Variants in PJVK observed in about 807,000 individuals in gnomAD.
PJVK encodes autosomal recessive deafness type 59 protein.
A neutral mutation model predicts 37.6 loss-of-function variants in PJVK; 33 were observed. That is an observed-to-expected ratio of 0.88 (90% confidence interval 0.67 to 1.17). PJVK has a LOEUF of 1.17. Ranked by LOEUF, PJVK falls within the 50% of genes most tolerant of loss-of-function variation. The pLI, the probability that PJVK is intolerant of heterozygous loss-of-function variation, is 0.00. For synonymous variants in PJVK, 141 were observed against 143.5 expected (o/e 0.98, Z 0.13); for missense variants, 410 against 413.8 (o/e 0.99, Z 0.08).
intron 1 of PJVK, 189 bp from the exon 2 acceptor site, chr2:178,453,199 A>G (rs916576005): frequency 1.8e-4 from 97 of 547,072 alleles, no homozygotes; most frequent in Non-Finnish European, 4.3e-5. Context: ...TTAGCATATC[A>G]TTTTACACCG....
At chr2:178,452,217 C>T in intron 1 of PJVK, 4 of 840,374 alleles carry the variant, frequency 4.8e-6, no homozygotes, top group Non-Finnish European at 4.3e-6. Flanking sequence ...CGCTTGAACC[C>T]GGGAGGCAAA....
chr2:178,453,815 C>A, intron 2 of PJVK, 195 bp downstream of exon 2: 1 of 525,626 alleles, frequency 1.9e-6, no homozygotes, highest in Non-Finnish European at 3.5e-6. Flanking sequence ...TCTTATTGGT[C>A]AAATAATTTT....
rs78717143 is a variant in PJVK, at chr2:178,451,996, T to C, written c.-23+227T>C. On this transcript the variant is annotated intron_variant, in intron 1 of 6. Transcript: ENST00000644580. ...ATGCTATTCGTACGAAAGGATATTA[T>C]TAAAAGTGATTTATGGGCGGGCGCG... 831 of 474,508 alleles carry C rather than the reference T, an allele frequency of 1.8e-3. 2 individuals carry two copies. Among genetic ancestry groups the C allele is most frequent in the African/African-American group, 0.017 (794 of 47,256 alleles). The allele number at this position is 474,508 out of a possible 1,614,324, so 29.4% of individuals were successfully genotyped here.
At position 178,451,388 on chromosome 2, in the gene PJVK, T is replaced by G; in HGVS notation, c.-404T>G. 1 of 319,822 alleles carries G rather than the reference T, an allele frequency of 3.1e-6. No homozygotes were observed. Among genetic ancestry groups the G allele is most frequent in the Non-Finnish European group, 5.8e-6 (1 of 171,946 alleles). 19.8% of individuals were successfully genotyped at this position (319,822 alleles called of 1,614,324 possible). On this transcript the variant is annotated 5_prime_UTR_variant, in exon 1 of 7. Transcript: ENST00000644580. The stretch of plus-strand genomic sequence containing the variant: ...GCCCCTGCCGGCCCTGACCAGCCTG[T>G]AGTAACTGGCCCCTAGGCCGCAGTT...
rs776028922 is a variant in PJVK at position 178,461,161 on chromosome 2, A to C, written c.946A>C (p.Asn316His). The change falls in exon 7 of 7, where the codon AAC (asparagine) becomes CAC (histidine). Residue 316 changes from asparagine to histidine, a missense_variant. Transcript: ENST00000644580. ...KGPCILCGMG[N>H]FKRETVYGCF... Reference sequence around the variant, plus strand: ...GCCTTGCATACTCTGTGGAATGGGGAACTTCAAAAGGGAGACAGTTTATGG... The same window carrying C: ...GCCTTGCATACTCTGTGGAATGGGGCACTTCAAAAGGGAGACAGTTTATGG... The C allele has an allele frequency of 9.3e-6, 15 of 1,614,080 alleles. No homozygotes were observed. The African/African-American group carries it at 1.9e-4, about 20-fold the overall frequency.
chr2:178,460,334 A>C lies in PJVK; in HGVS notation c.668-14A>C. 1.9e-6 allele frequency: 3 copies of C among 1,609,490 alleles called. No homozygotes were observed. Among genetic ancestry groups the C allele is most frequent in the Non-Finnish European group, 2.6e-6 (3 of 1,175,922 alleles). On this transcript the variant is annotated splice_polypyrimidine_tract_variant and intron_variant, in intron 5 of 6. Coordinates refer to ENST00000644580, the MANE Select transcript of PJVK (RefSeq NM_001042702.5). The stretch of plus-strand genomic sequence containing the variant: ...TATTCAAGTTATAACATCTTCTAAC[A>C]ATTTTTTTTGTAGACCTTTGTGTCA...
chr2:178,455,240 A>C (rs1683971957), intron 3 of PJVK: 1 of 1,548,146 alleles, frequency 6.5e-7, no homozygotes, highest in Non-Finnish European at 8.9e-7. Context: ...CAAGAAGATT[A>C]ACCCTGAGAA....
chr2:178,461,019 T>G lies in PJVK; in HGVS notation c.804T>G (p.Leu268=). The G allele has an allele frequency of 6.2e-7, 1 of 1,614,048 alleles. No individual in the cohort carries two copies. The highest frequency in any genetic ancestry group is 1.1e-5 in the South Asian group (1 of 91,076). ...TGGATGTCATTTCTCGTTCACAGCT[T>G]TACTTGGATGATCTTTTTTCTGACT... ...RVMDVISRSQ[L]YLDDLFSDYY... is the part of the protein sequence containing the mutation. Residue 268 remains leucine (L), a synonymous_variant, in exon 7 of 7, where the codon CTT becomes CTG. Transcript: ENST00000644580.
intron 4 of PJVK, among the ~76,000 whole-genome samples, chr2:178,456,810 T>C (rs1352066883): frequency 2.0e-5 from 3 of 151,572 alleles, no homozygotes; most frequent in Non-Finnish European, 4.4e-5. Context: ...AAAAAAAATG[T>C]GTAACATAAT....
In PJVK at chr2:178,455,352, A is replaced by G. The variant is rs1683984141; in HGVS notation, c.408-658A>G. On this transcript the variant is annotated intron_variant, in intron 3 of 6. Transcript: ENST00000644580. ...ATGGGGCTGCCAACCTCAGACGAAC[A>G]GAAGAAACAGGAGATTCTGAAGAAG... 6 of 1,299,990 alleles carry G rather than the reference A, an allele frequency of 4.6e-6. No individual in the cohort carries two copies. The Admixed American group carries it at 1.0e-4, about 22-fold the overall frequency. 80.5% of individuals were successfully genotyped at this position (1,299,990 alleles called of 1,614,324 possible).
chr2:178,454,213 A>C (rs749467631), intron 2 of PJVK, 119 bp from the exon 3 acceptor site: 1 of 786,924 alleles, frequency 1.3e-6, no homozygotes, highest in Non-Finnish European at 2.0e-6. Flanking sequence ...TTGGTGAGTC[A>C]TGTTGCCTTT....
At chr2:178,451,920 G>A in intron 1 of PJVK, 151 bp downstream of exon 1, 1 of 837,114 alleles carries the variant, frequency 1.2e-6, no homozygotes, top group Non-Finnish European at 1.4e-6. Flanking sequence ...CTAGGCACTA[G>A]CAGAAATGCT....
At chr2:178,451,830 AGTCGGTTG>A (rs1697685472) in intron 1 of PJVK, 61 bp downstream of exon 1, 1 of 985,374 alleles carries the variant, frequency 1.0e-6, no homozygotes, top group Non-Finnish European at 1.2e-6. Context: ...GGACCTGGGT[AGTCGGTTG>A]TAATGGCGTT....
chr2:178,453,539 T>G lies in PJVK; in HGVS notation c.130T>G (p.Phe44Val). 1 of 1,614,120 alleles carries G rather than the reference T, an allele frequency of 6.2e-7. No individual in the cohort carries two copies. The stretch of plus-strand genomic sequence containing the variant: ...TCTGGTGGTAAAAAAGAAGCGATGC[T>G]TTCTGTTTCCTAGATATAAATTTAC... ...LSLVVKKKRC[F>V]LFPRYKFTST... The change falls in exon 2 of 7, where the codon TTT (phenylalanine) becomes GTT (valine). Residue 44 changes from phenylalanine (F) to valine (V), a missense_variant. Phe to Val is a conservative substitution (Grantham distance 50). Transcript: ENST00000644580.
At chr2:178,455,262 C>A in intron 3 of PJVK, 1 of 1,475,150 alleles carries the variant, frequency 6.8e-7, no homozygotes, top group Non-Finnish European at 9.5e-7. Context: ...TCCAAGCTGT[C>A]AGACCTGGAC....
Position 178,458,606 on chromosome 2 carries a change from A to G in PJVK, c.646A>G (p.Ile216Val), listed in dbSNP as rs767018373. The change falls in exon 5 of 7, where the codon ATA becomes GTA. Residue 216 changes from isoleucine (I) to valine (V), a missense_variant. Coordinates refer to ENST00000644580, the MANE Select transcript of PJVK (RefSeq NM_001042702.5). ...AGCTTTCAGTGTTTTTGAACTCTTC[A>G]TATACCTGGATGGTGCCTTTGGTGA... ...TIAFSVFELF[I>V]YLDGAFDLCV... is the part of the protein sequence containing the mutation. The G allele has an allele frequency of 6.2e-6, 10 of 1,613,748 alleles. No individual in the cohort carries two copies. Among genetic ancestry groups the G allele is most frequent in the Middle Eastern group, 1.7e-4 (1 of 6,060 alleles).
intron 4 of PJVK, 159 bp downstream of exon 4, chr2:178,456,310 A>G (rs1052896066): frequency 2.4e-6 from 2 of 830,254 alleles, no homozygotes; most frequent in African/African-American, 1.8e-5. Flanking sequence ...GTTCTAGAAT[A>G]TGAAAAAAAA....
intron 6 of PJVK, among the ~76,000 whole-genome samples, 192 bp from the exon 7 acceptor site, chr2:178,460,790 A>G (rs1684447563): frequency 7.2e-6 from 1 of 138,278 alleles, no homozygotes; most frequent in Admixed American, 7.5e-5. Context: ...CGGAGGTTGT[A>G]GTAAGTGGAG....
At chr2:178,455,591 T>G (rs948637757) in intron 3 of PJVK, among the ~76,000 whole-genome samples, 1 of 151,554 alleles carries the variant, frequency 6.6e-6, no homozygotes, top group Admixed American at 6.6e-5. Context: ...GGGCTTGGGG[T>G]CTTGTCCTCC....
Sources: gnomAD v4.1 joint callset for allele counts (sites outside exome capture counted in the v4.1 genomes callset) on GRCh38, gnomAD v4.1.1 for gene constraint, MANE v1.5 for transcripts, NCBI Gene and HGNC (gene_info 2026-07-23, HGNC 2026-07-21) for gene names.